Variants in PLAT observed in about 807,000 individuals in gnomAD.
PLAT encodes the protein tissue-type plasminogen activator.
PLAT carries 48 observed loss-of-function variants against 74.9 expected under a neutral mutation model. That is an observed-to-expected ratio of 0.64 (90% CI 0.51 to 0.82). The LOEUF is 0.82. PLAT is among the 40% of genes least tolerant of loss of function. The pLI, the probability that PLAT is intolerant of heterozygous loss-of-function variation, is 0.00. For synonymous variants in PLAT, 307 were observed against 294.4 expected (o/e 1.04, Z -0.44); for missense variants, 673 against 736.2 (o/e 0.91, Z 0.99).
At chr8:42,193,247 G>A in intron 1 of PLAT, 36 bp from the exon 2 acceptor site, 2 of 1,356,350 alleles carry the variant, frequency 1.5e-6, no homozygotes, top group Non-Finnish European at 2.1e-6. Context: ...ATCACGGGGT[G>A]CGAGAGGTCC....
chr8:42,179,964 G>A lies in PLAT; in HGVS notation c.1325C>T (p.Thr442Met). ...GCCGTAGCCGGAGAGCTCACACTCC[G>A]TCCAGTCCGGCAGCTGCAGGTCCGC... ...PPADLQLPDW[T>M]ECELSGYGKH... The change falls in exon 12 of 14, where the codon ACG becomes ATG. Residue 442 changes from threonine to methionine, a missense_variant. Transcript: ENST00000220809. The A allele has an allele frequency of 3.1e-6, 5 of 1,607,594 alleles. No individual in the cohort carries two copies. Among genetic ancestry groups the A allele is most frequent in the Non-Finnish European group, 3.4e-6 (4 of 1,176,636 alleles).
chr8:42,183,387 C>T (rs1805328160), intron 7 of PLAT, among the ~76,000 whole-genome samples: 2 of 152,148 alleles, frequency 1.3e-5, no homozygotes, highest in African/African-American at 4.8e-5. Context: ...CCCTAGATTG[C>T]TATGTTGAGA....
At chr8:42,194,017 CT>C (rs1384565865) in intron 1 of PLAT, among the ~76,000 whole-genome samples, 39 of 131,796 alleles carry the variant, frequency 3.0e-4, no homozygotes, top group African/African-American at 7.8e-4. Context: ...CCCCCGCTGC[CT>C]TTTTTTCTTT....
Position 42,182,731 on chromosome 8 carries a change from T to C in PLAT, c.791A>G (p.His264Arg), listed in dbSNP as rs200026039. The change falls in exon 8 of 14, where the codon CAT becomes CGT. Residue 264 changes from histidine (H) to arginine (R), a missense_variant. Coordinates refer to ENST00000220809, the MANE Select transcript of PLAT (RefSeq NM_000930.5). ...PSAQALGLGKHNYCRNPDGDA... is the reference protein window; with the variant it reads ...PSAQALGLGKRNYCRNPDGDA... ...CTGTGCTACCTACCGGCAGTAATTA[T>C]GTTTGCCCAGGCCCAGTGCCTGGGC... is the stretch of plus-strand genomic sequence containing the variant. 12 of 1,606,098 alleles carry C rather than the reference T, an allele frequency of 7.5e-6. No individual in the cohort carries two copies. Among genetic ancestry groups the C allele is most frequent in the South Asian group, 2.2e-5 (2 of 90,318 alleles).
intron 12 of PLAT, among the ~76,000 whole-genome samples, chr8:42,179,692 C>T (rs529783639): frequency 6.6e-6 from 1 of 152,328 alleles, no homozygotes; most frequent in East Asian, 1.9e-4. Context: ...AGAACCTTCC[C>T]AACACCTGCA....
rs8178891 is a variant in PLAT, at chr8:42,177,444, A to C, written c.1531-1293T>G. Among the ~76,000 whole-genome samples, 415 of 152,294 alleles carry C rather than the reference A, an allele frequency of 2.7e-3. 1 individual carries two copies. Among genetic ancestry groups the C allele is most frequent in the Non-Finnish European group, 5.4e-3 (364 of 68,020 alleles). On this transcript the variant is annotated intron_variant, in intron 13 of 13. Coordinates refer to ENST00000220809, the MANE Select transcript of PLAT (RefSeq NM_000930.5). ...GGATTAGGCTGTATCTATTCTGGTA[A>C]AGTAGAGTTAATTACTCAAACGTTT...
At chr8:42,189,865 C>G (rs1315844737) in intron 3 of PLAT, among the ~76,000 whole-genome samples, 1 of 151,764 alleles carries the variant, frequency 6.6e-6, no homozygotes, top group East Asian at 1.9e-4. Flanking sequence ...TCCCAAAGTG[C>G]TGGGGTTACA....
chr8:42,185,302 T>C, intron 6 of PLAT, 130 bp from the exon 7 acceptor site: 1 of 506,248 alleles, frequency 2.0e-6, no homozygotes, highest in Non-Finnish European at 3.5e-6. Flanking sequence ...TCTCGCTGTT[T>C]ATCCCAGGCT....
intron 1 of PLAT, among the ~76,000 whole-genome samples, chr8:42,203,992 T>TATATATATATATATATATATATATAC (rs1554499838): frequency 1.6e-4 from 18 of 109,852 alleles, no homozygotes; most frequent in African/African-American, 8.3e-4. Context: ...TATATATATA[T>TATATATATATATATATATATATATAC]ACACACACAC....
chr8:42,181,232 G>C (rs1414052283), intron 9 of PLAT, among the ~76,000 whole-genome samples: 1 of 152,190 alleles, frequency 6.6e-6, no homozygotes, highest in South Asian at 2.1e-4. Flanking sequence ...TGTGTTCCTT[G>C]GGGAACATTC....
intron 7 of PLAT, 105 bp downstream of exon 7, chr8:42,184,976 G>T: frequency 1.4e-6 from 1 of 695,212 alleles, no homozygotes; most frequent in Non-Finnish European, 2.4e-6. Flanking sequence ...ACTCACTCCT[G>T]GCCTCCCCCT....
At chr8:42,206,982 C>T (rs1447848454) in intron 1 of PLAT, among the ~76,000 whole-genome samples, 1 of 152,134 alleles carries the variant, frequency 6.6e-6, no homozygotes, top group African/African-American at 2.4e-5. Flanking sequence ...CTTCTCTCTC[C>T]CAGCACCTAG....
At chr8:42,193,762 C>G (rs1805777606) in intron 1 of PLAT, 1 of 153,008 alleles carries the variant, frequency 6.5e-6, no homozygotes, top group African/African-American at 2.4e-5. Flanking sequence ...GTCGCCCAGG[C>G]TGGAGTGCAG....
At position 42,195,943 on chromosome 8, in the gene PLAT, C is replaced by A. The variant is rs2237855; in HGVS notation, c.-26-2732G>T. On this transcript the variant is annotated intron_variant, in intron 1 of 13. Transcript: ENST00000220809. Reference sequence around the variant, plus strand: ...CTTCTTCATCACGCTGTCCACACCACCCAGCCCTCTCGATAGGCTCCTGCA... The same window carrying A: ...CTTCTTCATCACGCTGTCCACACCAACCAGCCCTCTCGATAGGCTCCTGCA... 3.8e-3 allele frequency among the ~76,000 whole-genome samples: 574 copies of A among 152,342 alleles called. 12 individuals carry two copies. The East Asian group carries it at 0.068, about 18-fold the overall frequency.
In PLAT at chr8:42,187,536, C is replaced by G. The variant is rs752282051; in HGVS notation, c.401G>C (p.Ser134Thr). 1 of 1,609,320 alleles carries G rather than the reference C, an allele frequency of 6.2e-7. No individual in the cohort carries two copies. Among genetic ancestry groups the G allele is most frequent in the East Asian group, 2.2e-5 (1 of 44,818 alleles). ...RATCYEDQGISYRGTWSTAES... is the reference protein window; with the variant it reads ...RATCYEDQGITYRGTWSTAES... ...CGCTGTGCTCCACGTGCCCCTGTAG[C>G]TGATGCCCTGGTCCTCGTAGCACGT... The change falls in exon 6 of 14, where the codon AGC becomes ACC. Residue 134 changes from serine to threonine, a missense_variant. Physicochemically the swap from Ser to Thr is moderately conservative, Grantham distance 58 (BLOSUM62 1). Transcript: ENST00000220809.
intron 7 of PLAT, 75 bp from the exon 8 acceptor site, chr8:42,182,965 G>A (rs527638076): frequency 3.5e-5 from 44 of 1,240,688 alleles, no homozygotes; most frequent in Non-Finnish European, 4.7e-5. Flanking sequence ...GGCTTGAAGC[G>A]GAGCTGCCGG....
chr8:42,191,061 C>G (rs1805662726), intron 3 of PLAT, among the ~76,000 whole-genome samples: 1 of 152,182 alleles, frequency 6.6e-6, no homozygotes, highest in African/African-American at 2.4e-5. Context: ...GCCTTTTGAT[C>G]TGTATAACCA....
At chr8:42,178,748 G>A in intron 13 of PLAT, 149 bp downstream of exon 13, 1 of 699,960 alleles carries the variant, frequency 1.4e-6, no homozygotes, top group Admixed American at 3.0e-5. Flanking sequence ...GCTTTATTCT[G>A]TGAGGCCCTC....
At chr8:42,178,812 A>T in intron 13 of PLAT, 85 bp downstream of exon 13, 1 of 1,324,060 alleles carries the variant, frequency 7.6e-7, no homozygotes, top group Non-Finnish European at 1.1e-6. Context: ...TCTGGTGATA[A>T]CTTTTTTCTT....
Sources: allele counts gnomAD v4.1 joint callset (sites outside exome capture counted in the v4.1 genomes callset), GRCh38; gene constraint gnomAD v4.1.1; transcripts MANE v1.5; gene names NCBI Gene and HGNC (gene_info 2026-07-23, HGNC 2026-07-21).